KIAA1217: variants seen among roughly 807,000 people sequenced by gnomAD.
KIAA1217 encodes sickle tail protein homolog.
In KIAA1217, 88 loss-of-function variants were observed where a neutral mutation model predicts 163.9. The ratio of observed to expected loss-of-function variants is 0.54; its 90% CI spans 0.45 to 0.64. The LOEUF (loss-of-function observed/expected upper bound fraction) is 0.64, where lower values mean the gene tolerates loss of function less well. KIAA1217 is among the 30% of genes least tolerant of loss of function. The pLI is 0.00. For missense variants in KIAA1217, 2,372 were observed against 2,475.0 expected (o/e 0.96, Z 0.88); for synonymous variants, 903 against 923.1 (o/e 0.98, Z 0.39).
At chr10:23,820,132 CAA>C (rs1336437064) in intron 1 of KIAA1217, among the ~76,000 whole-genome samples, 2 of 152,252 alleles carry the variant, frequency 1.3e-5, no homozygotes, top group African/African-American at 4.8e-5. Context: ...AGCTCATCGT[CAA>C]AGAGTCTACA....
Position 24,192,921 on chromosome 10 carries a change from A to G in KIAA1217, c.-170-26705A>G, listed in dbSNP as rs552451336. ...CAGCCTCCTGAGTAACTGGTACTAC[A>G]GGCATGTGCCACCACACCCAGTTAA... On this transcript the variant is annotated intron_variant, in intron 2 of 18. Transcript: ENST00000376462. Among the ~76,000 whole-genome samples, 7 of 152,170 alleles carry G rather than the reference A, an allele frequency of 4.6e-5. No homozygotes were observed. The East Asian group carries it at 1.4e-3, about 29-fold the overall frequency.
intron 2 of KIAA1217, among the ~76,000 whole-genome samples, chr10:24,317,347 G>A (rs748678939): frequency 3.9e-5 from 6 of 151,934 alleles, no homozygotes; most frequent in Admixed American, 6.6e-5. Context: ...TCAAATTTCC[G>A]GACTCAAGCG....
intron 1 of KIAA1217, among the ~76,000 whole-genome samples, chr10:23,819,743 G>A (rs914180292): frequency 6.6e-6 from 1 of 152,060 alleles, no homozygotes; most frequent in African/African-American, 2.4e-5. Context: ...AACTTTTTGT[G>A]TCGTAACATT....
rs546982861 is a variant in KIAA1217 at position 24,428,670 on chromosome 10, A to G, written c.554-4325A>G. Among the ~76,000 whole-genome samples the G allele has an allele frequency of 5.9e-5, 9 of 152,208 alleles. No homozygotes were observed. The East Asian group carries it at 1.7e-3, about 29-fold the overall frequency. ...AACAAATATTTATTGAGAAACTACT[A>G]TGTAACAGGTAGTCTCATAGGTACT... On this transcript the variant is annotated intron_variant, in intron 3 of 20. Coordinates refer to ENST00000376454, the MANE Select transcript of KIAA1217 (RefSeq NM_019590.5).
chr10:24,393,148 C>A (rs1202427961), intron 3 of KIAA1217, among the ~76,000 whole-genome samples: 1 of 152,202 alleles, frequency 6.6e-6, no homozygotes, highest in Non-Finnish European at 1.5e-5. Flanking sequence ...CCTTGGTGTT[C>A]TCATCCTAGC....
chr10:24,143,825 A>C (rs1040304799), intron 2 of KIAA1217, among the ~76,000 whole-genome samples: 1 of 151,818 alleles, frequency 6.6e-6, no homozygotes, highest in Non-Finnish European at 1.5e-5. Flanking sequence ...AAAAAAAAAA[A>C]AAACAAAAAC....
intron 2 of KIAA1217, among the ~76,000 whole-genome samples, chr10:24,373,020 A>G (rs2051905676): frequency 6.6e-6 from 1 of 152,228 alleles, no homozygotes; most frequent in Non-Finnish European, 1.5e-5. Context: ...ACTTGGAGTC[A>G]TAAGGAAATC....
chr10:23,952,160 T>G (rs1844364845), intron 1 of KIAA1217, among the ~76,000 whole-genome samples: 1 of 152,218 alleles, frequency 6.6e-6, no homozygotes. Flanking sequence ...TAATGGAAGA[T>G]TGGGGATGTT....
At chr10:23,726,927 T>C (rs1838178379) in intron 1 of KIAA1217, among the ~76,000 whole-genome samples, 1 of 151,558 alleles carries the variant, frequency 6.6e-6, no homozygotes, top group Middle Eastern at 3.4e-3. Flanking sequence ...ACTGCTATGA[T>C]AATTTTAGGA....
At chr10:24,209,385 T>C in intron 1 of KIAA1217, 122 bp downstream of exon 1, 1 of 711,774 alleles carries the variant, frequency 1.4e-6, no homozygotes, top group East Asian at 2.7e-5. Context: ...GGCAATTTCT[T>C]GGGATGGTAC....
intron 1 of KIAA1217, among the ~76,000 whole-genome samples, chr10:23,855,105 A>C (rs568276973): frequency 6.6e-6 from 1 of 152,278 alleles, no homozygotes; most frequent in South Asian, 2.1e-4. Flanking sequence ...GTTTCTTCCT[A>C]GCCTCGATGG....
At chr10:24,423,914 A>G (rs1245053313) in intron 3 of KIAA1217, among the ~76,000 whole-genome samples, 1 of 152,228 alleles carries the variant, frequency 6.6e-6, no homozygotes, top group Non-Finnish European at 1.5e-5. Flanking sequence ...AGATTCGTCT[A>G]GAGACTCTCA....
At position 24,198,325 on chromosome 10, in the gene KIAA1217, C is replaced by G. The variant is rs143899458; in HGVS notation, c.-170-21301C>G. Among the ~76,000 whole-genome samples the G allele has an allele frequency of 3.4e-4, 52 of 152,238 alleles. No homozygotes were observed. In the East Asian group the frequency reaches 9.8e-3, roughly 29 times the overall value. On this transcript the variant is annotated intron_variant, in intron 2 of 18. Coordinates refer to the KIAA1217 transcript ENST00000376462. ...ACATAAAATGGAAATGTTTGGGATA[C>G]TGGGTGGGCGTGGTGGCTCATGCCT...
chr10:23,949,652 T>C lies in KIAA1217; in HGVS notation c.-320-57573T>C, dbSNP rs111815391. Among the ~76,000 whole-genome samples, 855 of 152,278 alleles carry C rather than the reference T, an allele frequency of 5.6e-3. 1 individual carries two copies. The highest frequency in any genetic ancestry group is 0.02 in the Middle Eastern group (6 of 294). On this transcript the variant is annotated intron_variant, in intron 1 of 18. Coordinates refer to the KIAA1217 transcript ENST00000376462. Reference sequence around the variant, plus strand: ...TTAAAGAAAAGACTGCCTGGTGTGTTTAAAAGCAAGTATACTAAAAGTCAT... The same window carrying C: ...TTAAAGAAAAGACTGCCTGGTGTGTCTAAAAGCAAGTATACTAAAAGTCAT...
At chr10:23,711,616 G>A (rs564434524) in intron 1 of KIAA1217, among the ~76,000 whole-genome samples, 5 of 152,272 alleles carry the variant, frequency 3.3e-5, no homozygotes, top group Admixed American at 6.5e-5. Context: ...AGAAGGTTTG[G>A]GGACCTGCAC....
At chr10:24,040,216 A>C (rs1848574040) in intron 2 of KIAA1217, among the ~76,000 whole-genome samples, 1 of 152,214 alleles carries the variant, frequency 6.6e-6, no homozygotes, top group South Asian at 2.1e-4. Flanking sequence ...ACTGTCAGTC[A>C]TTATTCTGAG....
chr10:24,173,692 G>A (rs1487597846), intron 2 of KIAA1217, among the ~76,000 whole-genome samples: 1 of 152,136 alleles, frequency 6.6e-6, no homozygotes, highest in Admixed American at 6.5e-5. Context: ...TTCTAAAACT[G>A]GAATTGTTCC....
At chr10:24,280,797 G>A (rs867993736) in intron 2 of KIAA1217, among the ~76,000 whole-genome samples, 16 of 138,580 alleles carry the variant, frequency 1.2e-4, no homozygotes, top group African/African-American at 3.5e-4. Flanking sequence ...GCAACAGAGC[G>A]AGACTCCGTC....
At position 23,832,488 on chromosome 10, in the gene KIAA1217, C is replaced by G. The variant is rs934401246; in HGVS notation, c.-321+137254C>G. On this transcript the variant is annotated intron_variant, in intron 1 of 18. Coordinates refer to the KIAA1217 transcript ENST00000376462. Reference sequence around the variant, plus strand: ...GATTACATCACTGGCCATTGGTGATCATTCAATACTGTCCTCTCTCCTGAA... The same window carrying G: ...GATTACATCACTGGCCATTGGTGATGATTCAATACTGTCCTCTCTCCTGAA... 5.3e-5 allele frequency among the ~76,000 whole-genome samples: 8 copies of G among 152,238 alleles called. No homozygotes were observed. In the South Asian group the frequency reaches 1.7e-3, roughly 32 times the overall value.
Sources: gnomAD v4.1 joint callset for allele counts (sites outside exome capture counted in the v4.1 genomes callset) on GRCh38, gnomAD v4.1.1 for gene constraint, MANE v1.5 for transcripts, NCBI Gene and HGNC (gene_info 2026-07-23, HGNC 2026-07-21) for gene names.